The following PDGFC variants were observed in gnomAD, a reference collection of about 807,000 sequenced individuals.
The protein encoded by PDGFC is platelet derived growth factor C.
Under a neutral mutation model 35.5 loss-of-function variants are expected in PDGFC, and 12 were observed. That is an observed-to-expected ratio of 0.34 (90% CI 0.22 to 0.55). PDGFC has a LOEUF of 0.55. PDGFC is among the 20% of genes least tolerant of loss of function. The pLI, the probability that PDGFC is intolerant of heterozygous loss-of-function variation, is 0.91. For missense variants in PDGFC, 322 were observed against 412.4 expected (o/e 0.78, Z 1.90); for synonymous variants, 159 against 148.8 (o/e 1.07, Z -0.50).
chr4:156,950,853 T>C (rs1732063928), intron 1 of PDGFC, among the ~76,000 whole-genome samples: 2 of 151,890 alleles, frequency 1.3e-5, no homozygotes, highest in Admixed American at 1.3e-4. Flanking sequence ...AGAGCAAAAG[T>C]AAAATGACAA....
At chr4:156,946,773 C>T (rs1225759728) in intron 1 of PDGFC, among the ~76,000 whole-genome samples, 2 of 151,958 alleles carry the variant, frequency 1.3e-5, no homozygotes, top group Non-Finnish European at 2.9e-5. Context: ...CTCACTTAGA[C>T]CAGAAGGAGA....
chr4:156,825,711 C>T (rs1224968084), intron 2 of PDGFC, among the ~76,000 whole-genome samples: 1 of 151,376 alleles, frequency 6.6e-6, no homozygotes, highest in Non-Finnish European at 1.5e-5. Flanking sequence ...GTATAAGAAA[C>T]TTGTAGTTTA....
chr4:156,857,673 G>A (rs1729614565), intron 1 of PDGFC, among the ~76,000 whole-genome samples: 1 of 152,072 alleles, frequency 6.6e-6, no homozygotes, highest in South Asian at 2.1e-4. Flanking sequence ...AGTAGCCACT[G>A]AATAAAGGTC....
At chr4:156,923,142 G>A (rs535105644) in intron 1 of PDGFC, among the ~76,000 whole-genome samples, 11 of 152,080 alleles carry the variant, frequency 7.2e-5, no homozygotes, top group South Asian at 2.1e-4. Flanking sequence ...GCTGTGCTGC[G>A]GAATCAGTCC....
At chr4:156,939,240 T>A (rs1338910160) in intron 1 of PDGFC, among the ~76,000 whole-genome samples, 1 of 152,118 alleles carries the variant, frequency 6.6e-6, no homozygotes, top group African/African-American at 2.4e-5. Context: ...GATCACCGCT[T>A]TAAAGTTATA....
intron 4 of PDGFC, among the ~76,000 whole-genome samples, chr4:156,771,293 T>A (rs1037913064): frequency 5.9e-5 from 9 of 152,110 alleles, no homozygotes; most frequent in African/African-American, 1.7e-4. Flanking sequence ...AAAAACTAGA[T>A]CTCAGTTTAG....
At chr4:156,923,707 G>A (rs1731341012) in intron 1 of PDGFC, among the ~76,000 whole-genome samples, 1 of 152,126 alleles carries the variant, frequency 6.6e-6, no homozygotes, top group Admixed American at 6.6e-5. Flanking sequence ...AAAACTGGAT[G>A]ATGATGCAAC....
intron 2 of PDGFC, among the ~76,000 whole-genome samples, chr4:156,824,357 CACATATAT>C (rs1560827651): frequency 0.057 from 8,196 of 142,580 alleles, 927 homozygotes; most frequent in African/African-American, 0.2. Context: ...CACATATACA[CACATATAT>C]ACACACACAT....
At chr4:156,772,455 T>C (rs1251028988) in intron 4 of PDGFC, among the ~76,000 whole-genome samples, 1 of 152,150 alleles carries the variant, frequency 6.6e-6, no homozygotes, top group Non-Finnish European at 1.5e-5. Flanking sequence ...ATAACTGGAA[T>C]TTTCAGAAGT....
At chr4:156,961,714 T>C (rs777332063) in intron 1 of PDGFC, among the ~76,000 whole-genome samples, 70 of 152,180 alleles carry the variant, frequency 4.6e-4, no homozygotes, top group Non-Finnish European at 6.9e-4. Flanking sequence ...TATAACTGTT[T>C]TCTTTGCCTG....
rs1314925020 is a variant in PDGFC at position 156,775,284 on chromosome 4, C to A, written c.496-2391G>T. On this transcript the variant is annotated intron_variant, in intron 3 of 5. Transcript: ENST00000502773. ...TTTTTGCATATTTCAAAAATATAAG[C>A]CTATATATGTATACAAATGTTTTAT... Among the ~76,000 whole-genome samples, 5 of 151,942 alleles carry A rather than the reference C, an allele frequency of 3.3e-5. 1 individual carries two copies. In the South Asian group the frequency reaches 1.0e-3, roughly 32 times the overall value.
At chr4:156,799,397 CG>C (rs1017133253) in intron 3 of PDGFC, among the ~76,000 whole-genome samples, 4 of 151,262 alleles carry the variant, frequency 2.6e-5, no homozygotes, top group African/African-American at 7.3e-5. Flanking sequence ...TGCAAAAAGC[CG>C]AAAAAAAAAT....
chr4:156,793,669 G>A (rs1731360764), intron 3 of PDGFC, among the ~76,000 whole-genome samples: 1 of 151,140 alleles, frequency 6.6e-6, no homozygotes, highest in Admixed American at 6.6e-5. Flanking sequence ...CAATCAGGGG[G>A]GCAGTGGCCT....
At chr4:156,887,070 C>T (rs558402270) in intron 1 of PDGFC, among the ~76,000 whole-genome samples, 95 of 152,096 alleles carry the variant, frequency 6.2e-4, no homozygotes, top group African/African-American at 1.9e-3. Context: ...GCCATATGAG[C>T]CACTATTAAC....
At chr4:156,942,619 C>T (rs949999489) in intron 1 of PDGFC, among the ~76,000 whole-genome samples, 3 of 150,050 alleles carry the variant, frequency 2.0e-5, no homozygotes, top group African/African-American at 7.3e-5. Flanking sequence ...CACAAATCAC[C>T]AAGACCTAAA....
intron 2 of PDGFC, 65 bp downstream of exon 2, chr4:156,850,156 A>AT (rs1317849202): frequency 1.2e-6 from 1 of 819,768 alleles, no homozygotes; most frequent in African/African-American, 1.7e-5. Flanking sequence ...GATCATCAAA[A>AT]TTAAGCAATT....
chr4:156,841,337 G>C (rs1404616457), intron 2 of PDGFC: 1 of 154,232 alleles, frequency 6.5e-6, no homozygotes, highest in African/African-American at 2.4e-5. Flanking sequence ...TTTTATAAGG[G>C]GCTTCTCCTT....
At chr4:156,948,738 A>C (rs2110930740) in intron 1 of PDGFC, among the ~76,000 whole-genome samples, 1 of 152,100 alleles carries the variant, frequency 6.6e-6, no homozygotes, top group South Asian at 2.1e-4. Context: ...ACAACATTTT[A>C]GTGTATTTCA....
intron 1 of PDGFC, among the ~76,000 whole-genome samples, chr4:156,962,660 A>C (rs1176657153): frequency 6.6e-6 from 1 of 152,148 alleles, no homozygotes; most frequent in Non-Finnish European, 1.5e-5. Flanking sequence ...TTAACTTATG[A>C]AGGAAGAGGC....
Sources: gnomAD v4.1 joint callset for allele counts (sites outside exome capture counted in the v4.1 genomes callset) on GRCh38, gnomAD v4.1.1 for gene constraint, MANE v1.5 for transcripts, NCBI Gene and HGNC (gene_info 2026-07-23, HGNC 2026-07-21) for gene names.